The following NUP107 variants were observed in gnomAD, a reference collection of about 807,000 sequenced individuals.
NUP107 encodes nuclear pore complex protein Nup107.
In NUP107, 101 loss-of-function variants were observed where a neutral mutation model predicts 141.0. The observed-to-expected ratio is 0.72, with a 90% CI of 0.61 to 0.84. The LOEUF (loss-of-function observed/expected upper bound fraction) is 0.84, where lower values mean the gene tolerates loss of function less well. Ranked by LOEUF, NUP107 falls within the 40% of genes least tolerant of loss-of-function variation. NUP107 has a pLI of 0.00. For missense variants in NUP107, 941 were observed against 1,102.7 expected (o/e 0.85, Z 2.08); for synonymous variants, 319 against 363.9 (o/e 0.88, Z 1.41).
At chr12:68,688,815 C>T (rs192180211) in intron 1 of NUP107, 147 bp from the exon 2 acceptor site, 35 of 497,360 alleles carry the variant, frequency 7.0e-5, no homozygotes, top group Admixed American at 1.5e-4. Context: ...GCCAGGAGTG[C>T]GTTCTCAACA....
At chr12:68,693,357 G>A (rs913466722) in intron 5 of NUP107, among the ~76,000 whole-genome samples, 4 of 152,066 alleles carry the variant, frequency 2.6e-5, no homozygotes, top group Non-Finnish European at 4.4e-5. Context: ...GATTACAGGC[G>A]TAAGCCACTG....
chr12:68,730,636 G>A (rs1877781585), intron 20 of NUP107, among the ~76,000 whole-genome samples: 1 of 152,200 alleles, frequency 6.6e-6, no homozygotes, highest in Admixed American at 6.5e-5. Context: ...AACCTGTGCA[G>A]TTTAAGAGCC....
Position 68,721,986 on chromosome 12 carries a change from A to C in NUP107, c.1457A>C (p.Asn486Thr), listed in dbSNP as rs1341866554. The C allele has an allele frequency of 6.2e-7, 1 of 1,613,258 alleles. No individual in the cohort carries two copies. The highest frequency in any genetic ancestry group is 2.2e-5 in the East Asian group (1 of 44,860). The change falls in exon 16 of 28, where the codon AAC (asparagine) becomes ACC (threonine). Residue 486 changes from asparagine (N) to threonine (T), a missense_variant and splice_region_variant. By Grantham distance (65) the Asn-to-Thr change is moderately conservative. Transcript: ENST00000229179. ...EELPREYLGANWTLEKVFEEL... is the reference protein window; with the variant it reads ...EELPREYLGATWTLEKVFEEL... ...CTCCCTAGAGAATATCTGGGAGCAA[A>C]GTGAGTTTGTTGGATTGTTTTGAGT...
intron 17 of NUP107, 121 bp from the exon 18 acceptor site, chr12:68,725,606 A>G: frequency 3.3e-6 from 2 of 601,140 alleles, no homozygotes; most frequent in East Asian, 3.1e-5. Flanking sequence ...AAGGCCCTTC[A>G]TTTCCAGCTT....
Position 68,731,140 on chromosome 12 carries a change from A to T in NUP107, c.1765A>T (p.Ile589Leu), listed in dbSNP as rs767779442. Residue 589 changes from isoleucine to leucine, a missense_variant, in exon 21 of 28, where the codon ATA becomes TTA. Transcript: ENST00000229179. ...LLIREKHTNL[I>L]AFYTCHLPQD... ...AATAAGAGAGAAACATACAAATCTT[A>T]TAGCATTTTATACCTGTCATTTGCC... 2 of 1,601,056 alleles carry T rather than the reference A, an allele frequency of 1.2e-6. No individual in the cohort carries two copies. Among genetic ancestry groups the T allele is most frequent in the Non-Finnish European group, 1.7e-6 (2 of 1,174,470 alleles).
intron 10 of NUP107, among the ~76,000 whole-genome samples, chr12:68,712,438 A>G (rs112728652): frequency 0.19 from 27,629 of 146,700 alleles, 3,271 homozygotes; most frequent in South Asian, 0.46. Context: ...AAAAAAAAAA[A>G]AAAAAGTCAG....
rs2259588 is a variant in NUP107 at position 68,689,025 on chromosome 12, G to T, written c.72G>T (p.Arg24=). The stretch of plus-strand genomic sequence containing the variant: ...AGGCAGAGGTGACACGGACTGCACG[G>T]AAACAGAGTGCTCAGAAAAGAGTTT... ...IREAEVTRTA[R]KQSAQKRVLL... The change falls in exon 2 of 28, where the codon CGG becomes CGT. Residue 24 remains arginine (R), a synonymous_variant. Coordinates refer to ENST00000229179, the MANE Select transcript of NUP107 (RefSeq NM_020401.4). The T allele has an allele frequency of 6.2e-7, 1 of 1,610,974 alleles. No individual in the cohort carries two copies. Among genetic ancestry groups the T allele is most frequent in the African/African-American group, 1.3e-5 (1 of 74,850 alleles).
At chr12:68,721,043 A>G in intron 14 of NUP107, 75 bp from the exon 15 acceptor site, 1 of 958,876 alleles carries the variant, frequency 1.0e-6, no homozygotes, top group Non-Finnish European at 1.7e-6. Flanking sequence ...AGTTTGCAAG[A>G]CTCCACATTA....
At position 68,710,045 on chromosome 12, in the gene NUP107, T is replaced by C. The variant is rs1288193818; in HGVS notation, c.842T>C (p.Ile281Thr). ...DWLESIAKDEIGEFSDNIEFY... is the reference protein window; with the variant it reads ...DWLESIAKDETGEFSDNIEFY... ...TTAGAGAGTATTGCCAAAGATGAAA[T>C]TGGAGAATTTTCTGATAATATTGAG... The change falls in exon 10 of 28, where the codon ATT becomes ACT. Residue 281 changes from isoleucine (I) to threonine (T), a missense_variant. Transcript: ENST00000229179. 3 of 1,600,962 alleles carry C rather than the reference T, an allele frequency of 1.9e-6. No individual in the cohort carries two copies. The highest frequency in any genetic ancestry group is 2.2e-5 in the East Asian group (1 of 44,652).
At position 68,735,275 on chromosome 12, in the gene NUP107, T is replaced by A. The variant is rs541187815; in HGVS notation, c.2433T>A (p.Ala811=). ...IWKGHLDALT[A]DVKEKMYNVL... is the part of the protein sequence containing the mutation. ...AAGGGCATTTGGATGCCCTAACTGC[T>A]GATGTGAAGGAGAAAATGTATAACG... Residue 811 remains alanine, a synonymous_variant, in exon 26 of 28, where the codon GCT becomes GCA. Transcript: ENST00000229179. 1 of 1,614,096 alleles carries A rather than the reference T, an allele frequency of 6.2e-7. No homozygotes were observed. The highest frequency in any genetic ancestry group is 1.1e-5 in the South Asian group (1 of 91,076).
At chr12:68,730,158 G>C (rs1242499002) in intron 20 of NUP107, among the ~76,000 whole-genome samples, 1 of 145,654 alleles carries the variant, frequency 6.9e-6, no homozygotes, top group East Asian at 2.0e-4. Context: ...TAGAGACTGG[G>C]TCTCACTATG....
intron 12 of NUP107, among the ~76,000 whole-genome samples, chr12:68,716,104 G>A (rs916337947): frequency 6.6e-5 from 10 of 150,674 alleles, no homozygotes; most frequent in East Asian, 5.8e-4. Flanking sequence ...GTTGCCCAGC[G>A]TAATCTCAAA....
intron 5 of NUP107, among the ~76,000 whole-genome samples, chr12:68,692,468 A>G (rs562586667): frequency 6.6e-6 from 1 of 152,084 alleles, no homozygotes; most frequent in African/African-American, 2.4e-5. Flanking sequence ...AATCCCAGCT[A>G]CTTGAGAGGC....
chr12:68,742,267 A>T, intron 27 of NUP107, 88 bp from the exon 28 acceptor site: 1 of 804,788 alleles, frequency 1.2e-6, no homozygotes, highest in Non-Finnish European at 2.0e-6. Flanking sequence ...TTCTTCTTAT[A>T]TGAAGCTAAT....
At chr12:68,706,683 A>C (rs1876598026) in intron 8 of NUP107, 11 of 737,164 alleles carry the variant, frequency 1.5e-5, no homozygotes. Context: ...TGCCAACACC[A>C]AGCTGTCCAA....
chr12:68,690,886 C>A, intron 4 of NUP107, 140 bp downstream of exon 4: 2 of 736,408 alleles, frequency 2.7e-6, no homozygotes, highest in African/African-American at 1.8e-5. Context: ...TTGAGACTAG[C>A]CTGCTTAGCA....
intron 14 of NUP107, 66 bp downstream of exon 14, chr12:68,719,720 G>A (rs1877275648): frequency 7.0e-6 from 8 of 1,145,516 alleles, no homozygotes; most frequent in Middle Eastern, 2.0e-4. Flanking sequence ...CTATTCAGGG[G>A]CTGTGAAACA....
intron 24 of NUP107, among the ~76,000 whole-genome samples, chr12:68,734,365 T>G (rs1368139303): frequency 6.6e-6 from 1 of 152,130 alleles, no homozygotes; most frequent in Non-Finnish European, 1.5e-5. Flanking sequence ...GCCAAATCTG[T>G]GGATAGCACC....
chr12:68,721,797 T>A (rs763497558), intron 15 of NUP107, 44 bp from the exon 16 acceptor site: 2 of 1,578,716 alleles, frequency 1.3e-6, no homozygotes, highest in Non-Finnish European at 1.7e-6. Context: ...CTTTCTTTTC[T>A]GTTGAATATG....
Sources: gnomAD v4.1 joint callset for allele counts (sites outside exome capture counted in the v4.1 genomes callset) on GRCh38, gnomAD v4.1.1 for gene constraint, MANE v1.5 for transcripts, NCBI Gene and HGNC (gene_info 2026-07-23, HGNC 2026-07-21) for gene names.